KATNAL2: variants seen among roughly 807,000 people sequenced by gnomAD.
The protein encoded by KATNAL2 is katanin p60 ATPase-containing subunit A-like 2.
In KATNAL2, 52 loss-of-function variants were observed where a neutral mutation model predicts 76.3. That is an observed-to-expected ratio of 0.68 (90% CI 0.55 to 0.86). The LOEUF is 0.86. KATNAL2 is among the 40% of genes least tolerant of loss of function. KATNAL2 has a pLI of 0.00. For synonymous variants in KATNAL2, 243 were observed against 244.2 expected (o/e 1.00, Z 0.05); for missense variants, 660 against 668.9 (o/e 0.99, Z 0.15).
At chr18:47,031,025 C>G (rs1332896272) in intron 3 of KATNAL2, among the ~76,000 whole-genome samples, 2 of 45,464 alleles carry the variant, frequency 4.4e-5, no homozygotes, top group Non-Finnish European at 5.9e-5. Context: ...CCCCCCCCCC[C>G]CCGCCCCCAA....
At chr18:46,961,247 C>G (rs1271672333) in intron 3 of KATNAL2, among the ~76,000 whole-genome samples, 1 of 134,970 alleles carries the variant, frequency 7.4e-6, no homozygotes, top group East Asian at 2.3e-4. Flanking sequence ...CGCTTTCTCC[C>G]TTTCCTCACG....
At chr18:47,093,456 T>C (rs2063092111) in intron 15 of KATNAL2, among the ~76,000 whole-genome samples, 1 of 151,632 alleles carries the variant, frequency 6.6e-6, no homozygotes, top group Non-Finnish European at 1.5e-5. Flanking sequence ...GTAATAATGT[T>C]CTCATTTAAA....
At chr18:46,961,791 G>T (rs953323433) in intron 3 of KATNAL2, among the ~76,000 whole-genome samples, 1 of 150,080 alleles carries the variant, frequency 6.7e-6, no homozygotes, top group Non-Finnish European at 1.5e-5. Context: ...TTTGATAAAT[G>T]GCATTTTTGA....
Position 46,946,379 on chromosome 18 carries a change from G to A in KATNAL2, c.-187G>A, listed in dbSNP as rs965712167. The A allele has an allele frequency of 1.9e-6, 2 of 1,039,402 alleles. No homozygotes were observed. Among genetic ancestry groups the A allele is most frequent in the African/African-American group, 3.4e-5 (2 of 58,362 alleles). 64.4% of individuals were successfully genotyped at this position (1,039,402 alleles called of 1,614,324 possible). A position where few individuals can be genotyped will look rare whatever the true frequency, so the allele number is the denominator to read the frequency against. On this transcript the variant is annotated 5_prime_UTR_variant, in exon 2 of 18. Coordinates refer to ENST00000683218, the MANE Select transcript of KATNAL2 (RefSeq NM_001387690.1). ...AAAGTGTCCACAGCAGATTCGTCCA[G>A]TCTAGATAGACCATGCACAGAGAAT...
intron 1 of KATNAL2, among the ~76,000 whole-genome samples, chr18:46,940,542 TTGACTG>T (rs1187451364): frequency 1.6e-4 from 25 of 152,288 alleles, no homozygotes; most frequent in Middle Eastern, 6.8e-3. Context: ...TGGCTTGTAG[TTGACTG>T]TCACAAGGTT....
intron 1 of KATNAL2, among the ~76,000 whole-genome samples, chr18:46,940,431 GCTCT>G (rs958250472): frequency 2.0e-5 from 3 of 152,032 alleles, no homozygotes; most frequent in Non-Finnish European, 4.4e-5. Context: ...TGATTAAAAC[GCTCT>G]CTCTCTCTTT....
chr18:47,087,002 T>C (rs2062805172), intron 15 of KATNAL2, among the ~76,000 whole-genome samples: 1 of 152,218 alleles, frequency 6.6e-6, no homozygotes, highest in Admixed American at 6.5e-5. Context: ...TATAAAATTA[T>C]TATAACCATT....
intron 15 of KATNAL2, among the ~76,000 whole-genome samples, chr18:47,077,758 A>G (rs900642794): frequency 6.6e-5 from 10 of 152,238 alleles, no homozygotes; most frequent in African/African-American, 2.2e-4. Flanking sequence ...GCATAGAACT[A>G]CAAAATGCTT....
At chr18:47,087,403 T>G (rs993902667) in intron 15 of KATNAL2, among the ~76,000 whole-genome samples, 1 of 152,162 alleles carries the variant, frequency 6.6e-6, no homozygotes, top group Non-Finnish European at 1.5e-5. Flanking sequence ...TGTGGGAACA[T>G]GGATGAAGCT....
chr18:47,094,195 T>A (rs1391608214), intron 15 of KATNAL2, among the ~76,000 whole-genome samples: 1 of 152,148 alleles, frequency 6.6e-6, no homozygotes, highest in Non-Finnish European at 1.5e-5. Flanking sequence ...GGATGTGCCA[T>A]CTTGGAAGCA....
intron 1 of KATNAL2, among the ~76,000 whole-genome samples, chr18:46,932,897 T>C (rs2058975839): frequency 6.6e-6 from 1 of 151,796 alleles, no homozygotes; most frequent in African/African-American, 2.4e-5. Flanking sequence ...CCTTAGTAAC[T>C]GGGATTACAG....
intron 3 of KATNAL2, among the ~76,000 whole-genome samples, chr18:46,959,468 A>G (rs1453839398): frequency 6.6e-6 from 1 of 152,182 alleles, no homozygotes; most frequent in Non-Finnish European, 1.5e-5. Flanking sequence ...CTTTTTTTTA[A>G]AAAAAACTAA....
At chr18:47,096,713 A>T (rs1185906341) in intron 15 of KATNAL2, among the ~76,000 whole-genome samples, 1 of 152,174 alleles carries the variant, frequency 6.6e-6, no homozygotes, top group Non-Finnish European at 1.5e-5. Flanking sequence ...ACAGACTCAC[A>T]CTCAAGATGA....
chr18:47,098,207 G>C, intron 15 of KATNAL2: 1 of 386,932 alleles, frequency 2.6e-6, no homozygotes, highest in Non-Finnish European at 5.1e-6. Context: ...TGGCGACAGA[G>C]CAAGACTCCG....
At chr18:46,951,047 T>C (rs1332505239) in intron 3 of KATNAL2, among the ~76,000 whole-genome samples, 1 of 152,134 alleles carries the variant, frequency 6.6e-6, no homozygotes, top group Admixed American at 6.5e-5. Flanking sequence ...TTTATGAAGA[T>C]AAGCACTGAA....
intron 3 of KATNAL2, among the ~76,000 whole-genome samples, chr18:47,037,513 T>C (rs2060821197): frequency 6.6e-6 from 1 of 152,188 alleles, no homozygotes; most frequent in African/African-American, 2.4e-5. Context: ...TGGATCCTTT[T>C]TGCGGGGAAT....
At position 46,945,854 on chromosome 18, in the gene KATNAL2, A is replaced by G. The variant is rs12956223; in HGVS notation, c.-509-203A>G. Among the ~76,000 whole-genome samples the G allele has an allele frequency of 8.1e-3, 1,236 of 152,332 alleles. 2 individuals are homozygous for G. Among genetic ancestry groups the G allele is most frequent in the Non-Finnish European group, 0.013 (908 of 68,040 alleles). On this transcript the variant is annotated intron_variant, in intron 1 of 17. Coordinates refer to ENST00000683218, the MANE Select transcript of KATNAL2 (RefSeq NM_001387690.1). Reference sequence around the variant, plus strand: ...GGAATAAGATAAAGAATATTAAATAATCTGTAATCGGATTTCCCAATTAGG... The same window carrying G: ...GGAATAAGATAAAGAATATTAAATAGTCTGTAATCGGATTTCCCAATTAGG...
chr18:47,043,245 A>AAAAAAAAAAAAAAAAAAAAG (rs376877321), intron 3 of KATNAL2, among the ~76,000 whole-genome samples: 4 of 93,176 alleles, frequency 4.3e-5, no homozygotes, highest in Non-Finnish European at 8.4e-5. Context: ...AAAAAAAAAA[A>AAAAAAAAAAAAAAAAAAAAG]GAGATCCTAA....
At chr18:46,922,755 C>A (rs1459988289) in intron 1 of KATNAL2, among the ~76,000 whole-genome samples, 1 of 151,712 alleles carries the variant, frequency 6.6e-6, no homozygotes. Context: ...GGAGATCATG[C>A]CATTGCATTC....
Sources: gnomAD v4.1 joint callset for allele counts (sites outside exome capture counted in the v4.1 genomes callset) on GRCh38, gnomAD v4.1.1 for gene constraint, MANE v1.5 for transcripts, NCBI Gene and HGNC (gene_info 2026-07-23, HGNC 2026-07-21) for gene names.